Variants in DAB1 observed in about 807,000 individuals in gnomAD.
The protein encoded by DAB1 is DAB adaptor protein 1, also known as disabled homolog 1.
Under a neutral mutation model 64.6 loss-of-function variants are expected in DAB1, and 15 were observed. The observed-to-expected ratio is 0.23, with a 90% CI of 0.16 to 0.36. The LOEUF (loss-of-function observed/expected upper bound fraction) is 0.36. Ranked by LOEUF, DAB1 falls within the 10% of genes least tolerant of loss-of-function variation. DAB1 has a pLI of 1.00. For missense variants in DAB1, 596 were observed against 706.7 expected, an observed-to-expected ratio of 0.84 and a Z score of 1.78; for synonymous variants, 235 against 251.9, an observed-to-expected ratio of 0.93 and a Z score of 0.64.
chr1:57,331,925 A>G (rs12085326), intron 1 of DAB1, among the ~76,000 whole-genome samples: 64,736 of 152,076 alleles, frequency 0.43, 14,512 homozygotes, highest in Non-Finnish European at 0.5. Context: ...CAGCTTTATC[A>G]GCACTAGCTT....
intron 4 of DAB1, among the ~76,000 whole-genome samples, chr1:58,261,977 C>G (rs1457719493): frequency 6.6e-6 from 1 of 152,176 alleles, no homozygotes; most frequent in Non-Finnish European, 1.5e-5. Flanking sequence ...CTCTATAAAA[C>G]ATCCAAGCAA....
At chr1:57,536,776 G>A (rs914216336) in intron 7 of DAB1, among the ~76,000 whole-genome samples, 8 of 150,864 alleles carry the variant, frequency 5.3e-5, no homozygotes, top group African/African-American at 1.5e-4. Flanking sequence ...TTCTGCTGCC[G>A]CAGCCCCACT....
chr1:57,176,635 T>C (rs1423748742), intron 2 of DAB1, among the ~76,000 whole-genome samples: 2 of 152,160 alleles, frequency 1.3e-5, no homozygotes, highest in African/African-American at 2.4e-5. Flanking sequence ...GTACATGATA[T>C]GTAAAATCTG....
At chr1:58,287,341 A>G (rs1403815505) in intron 4 of DAB1, among the ~76,000 whole-genome samples, 2 of 152,166 alleles carry the variant, frequency 1.3e-5, no homozygotes, top group South Asian at 2.1e-4. Flanking sequence ...AAAAAAAGAT[A>G]CAGGTTTAAA....
At chr1:57,198,691 C>CACACACA (rs1557920338) in intron 2 of DAB1, among the ~76,000 whole-genome samples, 5 of 109,736 alleles carry the variant, frequency 4.6e-5, no homozygotes, top group African/African-American at 1.6e-4. Flanking sequence ...ACACACACAC[C>CACACACA]CATCAACTTT....
chr1:57,592,185 GACTCTGAGGAGAAAGAGC>G (rs1217650420), intron 7 of DAB1, among the ~76,000 whole-genome samples: 1 of 152,178 alleles, frequency 6.6e-6, no homozygotes, highest in African/African-American at 2.4e-5. Context: ...GGAAAAGAAG[GACTCTGAGGAGAAAGAGC>G]ACTCATTTTT....
intron 3 of DAB1, among the ~76,000 whole-genome samples, chr1:58,490,577 A>G (rs1171912253): frequency 6.6e-6 from 1 of 152,152 alleles, no homozygotes; most frequent in Non-Finnish European, 1.5e-5. Flanking sequence ...ATTCAAATTC[A>G]GGAAATACAG....
intron 3 of DAB1, among the ~76,000 whole-genome samples, chr1:58,391,715 G>A (rs1644477186): frequency 1.3e-5 from 2 of 152,042 alleles, no homozygotes; most frequent in African/African-American, 2.4e-5. Context: ...TCAAGACCAC[G>A]TGACCCAAAT....
chr1:57,208,360 A>C (rs1206107576), intron 2 of DAB1, among the ~76,000 whole-genome samples: 4 of 152,234 alleles, frequency 2.6e-5, no homozygotes, highest in African/African-American at 9.6e-5. Flanking sequence ...AGCTATGAGC[A>C]GTTAGCACTG....
At chr1:58,405,529 C>T (rs1242579337) in intron 3 of DAB1, among the ~76,000 whole-genome samples, 1 of 152,038 alleles carries the variant, frequency 6.6e-6, no homozygotes, top group Non-Finnish European at 1.5e-5. Flanking sequence ...TCACACCCAG[C>T]TAATTTTTAT....
intron 4 of DAB1, among the ~76,000 whole-genome samples, chr1:58,197,559 T>C (rs558895654): frequency 4.6e-5 from 7 of 151,512 alleles, no homozygotes; most frequent in Admixed American, 1.3e-4. Context: ...ACCCAGCTAG[T>C]TTTTTTTGTG....
At chr1:58,168,538 T>C (rs1444561098) in intron 4 of DAB1, among the ~76,000 whole-genome samples, 1 of 152,164 alleles carries the variant, frequency 6.6e-6, no homozygotes, top group African/African-American at 2.4e-5. Flanking sequence ...ATTTCTAGTA[T>C]AAACTCCAGG....
At chr1:58,516,622 A>T (rs969224051) in intron 2 of DAB1, among the ~76,000 whole-genome samples, 6 of 152,214 alleles carry the variant, frequency 3.9e-5, no homozygotes, top group Admixed American at 3.9e-4. Context: ...GTAGCAGAGG[A>T]GCAGCAGAGA....
intron 4 of DAB1, among the ~76,000 whole-genome samples, chr1:58,280,596 C>A (rs1661536246): frequency 6.6e-6 from 1 of 152,120 alleles, no homozygotes; most frequent in Non-Finnish European, 1.5e-5. Flanking sequence ...TTACAGCCTG[C>A]AAATAAAAAA....
intron 9 of DAB1, among the ~76,000 whole-genome samples, chr1:57,062,495 A>G (rs1370347518): frequency 1.3e-5 from 2 of 152,140 alleles, no homozygotes; most frequent in African/African-American, 2.4e-5. Flanking sequence ...GGAGTGAGAA[A>G]ATGGATATTG....
intron 2 of DAB1, among the ~76,000 whole-genome samples, chr1:57,162,638 A>T (rs1221275625): frequency 6.6e-6 from 1 of 152,240 alleles, no homozygotes; most frequent in Non-Finnish European, 1.5e-5. Flanking sequence ...AAGGGATTTA[A>T]GTGGGTGTCT....
intron 3 of DAB1, among the ~76,000 whole-genome samples, chr1:57,140,475 T>C (rs1173186906): frequency 6.6e-6 from 1 of 152,178 alleles, no homozygotes; most frequent in Non-Finnish European, 1.5e-5. Context: ...CAATCCTCTC[T>C]TCTTTAAGAG....
At chr1:57,482,238 A>G (rs570838580) in intron 7 of DAB1, among the ~76,000 whole-genome samples, 32 of 152,234 alleles carry the variant, frequency 2.1e-4, no homozygotes, top group African/African-American at 6.5e-4. Flanking sequence ...GCTGTGAAAC[A>G]TTTATATGGA....
intron 4 of DAB1, among the ~76,000 whole-genome samples, chr1:57,115,031 C>A (rs1022633143): frequency 2.0e-5 from 3 of 152,076 alleles, no homozygotes; most frequent in Non-Finnish European, 4.4e-5. Context: ...ATGGCCAACA[C>A]CATCCTCAAC....
Sources: gnomAD v4.1 joint callset for allele counts (sites outside exome capture counted in the v4.1 genomes callset) on GRCh38, gnomAD v4.1.1 for gene constraint, MANE v1.5 for transcripts, NCBI Gene and HGNC (gene_info 2026-07-23, HGNC 2026-07-21) for gene names.